The following CCDC121 variants were observed in gnomAD, a reference collection of about 807,000 sequenced individuals.
CCDC121 encodes coiled-coil domain containing 121, also known as coiled-coil domain-containing protein 121.
For missense variants in CCDC121, 238 were observed against 304.1 expected, an observed-to-expected ratio of 0.78 and a Z score of 1.62; for synonymous variants, 108 against 120.0, an observed-to-expected ratio of 0.90 and a Z score of 0.65.
At chr2:27,628,183 G>A (rs1361533815) in intron 1 of CCDC121, 7 of 631,380 alleles carry the variant, frequency 1.1e-5, no homozygotes, top group Non-Finnish European at 1.4e-5. Flanking sequence ...ACTTGCCCAT[G>A]ACTCACACCA....
At chr2:27,627,994 T>A in intron 1 of CCDC121, 77 bp from the exon 2 acceptor site, 4 of 963,362 alleles carry the variant, frequency 4.2e-6, no homozygotes, top group Non-Finnish European at 6.4e-6. Flanking sequence ...CCTTCATTCA[T>A]ACAAGAGAAT....
At position 27,626,916 on chromosome 2, in the gene CCDC121, T is replaced by G; in HGVS notation, c.*47A>C. 7.3e-7 allele frequency: 1 copy of G among 1,364,630 alleles called. No individual in the cohort carries two copies. The highest frequency in any genetic ancestry group is 1.0e-6 in the Non-Finnish European group (1 of 984,316). The allele number at this position is 1,364,630 out of a possible 1,614,324, so 84.5% of individuals were successfully genotyped here. A position where few individuals can be genotyped will look rare whatever the true frequency, so the allele number is the denominator to read the frequency against. On this transcript the variant is annotated 3_prime_UTR_variant, in exon 2 of 2. Coordinates refer to ENST00000324364, the MANE Select transcript of CCDC121 (RefSeq NM_024584.5). ...TTTCTAACCAGGTTAATGTAGCACT[T>G]AAGAGTACTTGCTCCAGTTCTTATT... is the stretch of plus-strand genomic sequence containing the variant.
rs1339776427 is a variant in CCDC121 at position 27,626,548 on chromosome 2, T to C, written c.*415A>G. The C allele has an allele frequency of 6.4e-6, 1 of 155,336 alleles. No homozygotes were observed. The highest frequency in any genetic ancestry group is 6.5e-5 in the Admixed American group (1 of 15,470). The allele number at this position is 155,336 out of a possible 1,614,324, so 9.6% of individuals were successfully genotyped here. ...TTGGTCAAAAGGAATGAGGATAAAC[T>C]GGCAGAACGCTATTCAAAGTCTATT... On this transcript the variant is annotated 3_prime_UTR_variant, in exon 2 of 2. Coordinates refer to ENST00000324364, the MANE Select transcript of CCDC121 (RefSeq NM_024584.5).
At chr2:27,628,813 T>C (rs1673399139) in intron 1 of CCDC121, 137 bp downstream of exon 1, 1 of 1,487,064 alleles carries the variant, frequency 6.7e-7, no homozygotes, top group African/African-American at 1.4e-5. Flanking sequence ...GCTGCAGAGA[T>C]CAGCGCCCTT....
rs187352025 is a variant in CCDC121, at chr2:27,627,834, A to C, written c.-35T>G. On this transcript the variant is annotated 5_prime_UTR_variant, in exon 2 of 2. Coordinates refer to ENST00000324364, the MANE Select transcript of CCDC121 (RefSeq NM_024584.5). ...TATCTTTTCTTTAAGCCTTGTCTCT[A>C]CCTTTGTTAGCTTCTCTGGCTTGAC... 2.2e-5 allele frequency: 35 copies of C among 1,613,742 alleles called. 1 individual carries two copies. The highest frequency in any genetic ancestry group is 3.3e-4 in the Middle Eastern group (2 of 6,062).
At chr2:27,628,283 G>T in intron 1 of CCDC121, 1 of 1,030,636 alleles carries the variant, frequency 9.7e-7, no homozygotes. Flanking sequence ...GAAACAGACT[G>T]GGTGGTCAGG....
Position 27,627,431 on chromosome 2 carries a change from T to G in CCDC121, c.369A>C (p.Thr123=). ...GGACTTTCTTTGTCTCCTCCTGTAA[T>G]GTCTGTATTTCTTTCTCCTGCTTTT... ...LKEKQEKEIQ[T]LQEETKKVQA... is the part of the protein sequence containing the mutation. Residue 123 remains threonine (T), a synonymous_variant, in exon 2 of 2, where the codon ACA becomes ACC. Transcript: ENST00000324364. 6.2e-7 allele frequency: 1 copy of G among 1,614,228 alleles called. No individual in the cohort carries two copies. Among genetic ancestry groups the G allele is most frequent in the Non-Finnish European group, 8.5e-7 (1 of 1,180,032 alleles).
chr2:27,628,652 A>G lies in CCDC121; in HGVS notation c.-119+298T>C, dbSNP rs1454459322. On this transcript the variant is annotated intron_variant, in intron 1 of 1. Transcript: ENST00000324364. ...TGTTTAACCGCCTCGGCTACCGAAT[A>G]AGCCCGAGCAGCCGGTCCTCCAGTG... 3.9e-5 allele frequency: 60 copies of G among 1,551,284 alleles called. No homozygotes were observed. The highest frequency in any genetic ancestry group is 5.5e-5 in the African/African-American group (4 of 72,962).
Position 27,625,780 on chromosome 2 carries a change from T to C in CCDC121, c.*1183A>G, listed in dbSNP as rs1673263929. On this transcript the variant is annotated 3_prime_UTR_variant, in exon 2 of 2. Transcript: ENST00000324364. ...AATCCAATTTTCAGGGAATTCACTT[T>C]ACATGTAAATAAAGCAGAAAATGCA... 1 of 152,342 alleles carries C rather than the reference T, an allele frequency of 6.6e-6. No individual in the cohort carries two copies. The highest frequency in any genetic ancestry group is 1.5e-5 in the Non-Finnish European group (1 of 68,030). The allele number at this position is 152,342 out of a possible 1,614,324, so 9.4% of individuals were successfully genotyped here. A position where few individuals can be genotyped will look rare whatever the true frequency, so the allele number is the denominator to read the frequency against.
At chr2:27,628,510 T>C (rs1427081070) in intron 1 of CCDC121, 1 of 1,551,254 alleles carries the variant, frequency 6.4e-7, no homozygotes, top group Non-Finnish European at 8.7e-7. Flanking sequence ...GCGGGAACAA[T>C]GTGCAAGTGT....
chr2:27,626,060 C>A lies in CCDC121; in HGVS notation c.*903G>T, dbSNP rs572777896. ...ATAAACATATGGCACACATTAATTACAAAGGATACTTCATGTACTAGAAAG... is the reference window on the plus strand; with the variant it reads ...ATAAACATATGGCACACATTAATTAAAAAGGATACTTCATGTACTAGAAAG... On this transcript the variant is annotated 3_prime_UTR_variant, in exon 2 of 2. Coordinates refer to ENST00000324364, the MANE Select transcript of CCDC121 (RefSeq NM_024584.5). The A allele has an allele frequency of 4.8e-4, 73 of 152,220 alleles. No homozygotes were observed. Among genetic ancestry groups the A allele is most frequent in the African/African-American group, 1.6e-3 (66 of 41,522 alleles). 9.4% of individuals were successfully genotyped at this position (152,220 alleles called of 1,614,324 possible). A position where few individuals can be genotyped will look rare whatever the true frequency, so the allele number is the denominator to read the frequency against.
Position 27,627,626 on chromosome 2 carries a change from C to T in CCDC121, c.174G>A (p.Trp58Ter). The T allele has an allele frequency of 1.9e-6, 3 of 1,613,994 alleles. No homozygotes were observed. Among genetic ancestry groups the T allele is most frequent in the Non-Finnish European group, 2.5e-6 (3 of 1,180,032 alleles). ...EEYTEQPEKV[W>*]NSYLQKSGEI... The stretch of plus-strand genomic sequence containing the variant: ...CTCCACTTTTTTGTAAATAGCTGTT[C>T]CATACCTTCTCAGGTTGCTCTGTGT... Residue 58 changes from tryptophan (W) to a stop codon, truncating the protein, a stop_gained, in exon 2 of 2, where the codon TGG becomes TGA. Coordinates refer to ENST00000324364, the MANE Select transcript of CCDC121 (RefSeq NM_024584.5). LOFTEE classifies it low-confidence loss of function (END_TRUNC).
Position 27,627,358 on chromosome 2 carries a change from G to A in CCDC121, c.442C>T (p.Gln148Ter), listed in dbSNP as rs545156142. 3 of 1,613,964 alleles carry A rather than the reference G, an allele frequency of 1.9e-6. No individual in the cohort carries two copies. The highest frequency in any genetic ancestry group is 3.3e-5 in the Admixed American group (2 of 59,986). ...TGTTTCTCCAGTAATCTTTTCTCCT[G>A]GAGGAGCTGGGCCTGTACTTCCCGT... ...KTREVQAQLLQEKRLLEKQLS... is the reference protein window; with the variant it reads ...KTREVQAQLL The change falls in exon 2 of 2, where the codon CAG (glutamine) becomes TAG (stop). Residue 148 changes from glutamine (Q) to a stop codon, truncating the protein, a stop_gained. Transcript: ENST00000324364. LOFTEE classifies it low-confidence loss of function (END_TRUNC).
chr2:27,627,894 A>G lies in CCDC121; in HGVS notation c.-95T>C. On this transcript the variant is annotated 5_prime_UTR_variant, in exon 2 of 2. Transcript: ENST00000324364. Reference sequence around the variant, plus strand: ...TATTAGACTATGATACGGTGGAAGGAGCCTTCTGGGGCCCTCAGCAAACCT... The same window carrying G: ...TATTAGACTATGATACGGTGGAAGGGGCCTTCTGGGGCCCTCAGCAAACCT... The G allele has an allele frequency of 6.2e-7, 1 of 1,613,780 alleles. No homozygotes were observed. The highest frequency in any genetic ancestry group is 2.2e-5 in the East Asian group (1 of 44,866).
chr2:27,628,444 C>G (rs1345954621), intron 1 of CCDC121: 1 of 1,551,600 alleles, frequency 6.4e-7, no homozygotes, highest in East Asian at 2.4e-5. Context: ...GTGTAGTTCA[C>G]TGAGGGTGAC....
chr2:27,627,763 T>G lies in CCDC121; in HGVS notation c.37A>C (p.Thr13Pro), dbSNP rs558290334. Residue 13 changes from threonine to proline, a missense_variant, in exon 2 of 2, where the codon ACC becomes CCC. By Grantham distance (38) the Thr-to-Pro change is conservative. Transcript: ENST00000324364. ...TCCTCCAGTAGCTGTTTCCGCTGGG[T>G]TTGAGCTTGTTTTATATGCTTGTTC... Reference protein sequence around the residue: ...DLNKHIKQAQTQRKQLLEESR... With the variant: ...DLNKHIKQAQPQRKQLLEESR... 1 of 1,614,110 alleles carries G rather than the reference T, an allele frequency of 6.2e-7. No homozygotes were observed. The highest frequency in any genetic ancestry group is 1.1e-5 in the South Asian group (1 of 91,072).
Position 27,626,984 on chromosome 2 carries a change from T to A in CCDC121, c.816A>T (p.Lys272Asn), listed in dbSNP as rs760641780. The stretch of plus-strand genomic sequence containing the variant: ...GAAGTTACTTTGGATTAATCCTTGA[T>A]TTGGTGCCTTGGGGAAGACTGGGTG... Reference protein sequence around the residue: ...KTTPSLPQGTKSRINPK With the variant: ...KTTPSLPQGTNSRINPK The change falls in exon 2 of 2, where the codon AAA becomes AAT. Residue 272 changes from lysine to asparagine, a missense_variant. Lys to Asn is a moderately conservative substitution (Grantham distance 94). Coordinates refer to ENST00000324364, the MANE Select transcript of CCDC121 (RefSeq NM_024584.5). 7 of 1,606,096 alleles carry A rather than the reference T, an allele frequency of 4.4e-6. 1 individual carries two copies. The Admixed American group carries it at 1.2e-4, about 27-fold the overall frequency.
At position 27,626,508 on chromosome 2, in the gene CCDC121, CTT is replaced by C. The variant is rs1219965847; in HGVS notation, c.*453_*454del. 6.5e-6 allele frequency: 1 copy of C among 153,164 alleles called. No individual in the cohort carries two copies. The highest frequency in any genetic ancestry group is 6.5e-5 in the Admixed American group (1 of 15,344). The allele number at this position is 153,164 out of a possible 1,614,324, so 9.5% of individuals were successfully genotyped here. A position where few individuals can be genotyped will look rare whatever the true frequency, so the allele number is the denominator to read the frequency against. ...ACTCACAAAGAGCTTGTAAAAACTG[CTT>C]TTGTCTGCTAAGTTGGTCAAAAGGA... On this transcript the variant is annotated 3_prime_UTR_variant, in exon 2 of 2. Coordinates refer to ENST00000324364, the MANE Select transcript of CCDC121 (RefSeq NM_024584.5).
intron 1 of CCDC121, chr2:27,628,368 G>A (rs1673370475): frequency 1.3e-6 from 2 of 1,528,174 alleles, no homozygotes; most frequent in Non-Finnish European, 1.8e-6. Context: ...TGGAGGGGAG[G>A]AAGCTCCCCT....
Sources: gnomAD v4.1 joint callset for allele counts on GRCh38, gnomAD v4.1.1 for gene constraint, MANE v1.5 for transcripts, NCBI Gene and HGNC (gene_info 2026-07-23, HGNC 2026-07-21) for gene names.